The following PAPSS1 variants were observed in gnomAD, a reference collection of about 807,000 sequenced individuals.
PAPSS1 encodes 3'-phosphoadenosine 5'-phosphosulfate synthase 1, also known as bifunctional 3'-phosphoadenosine 5'-phosphosulfate synthase 1.
In PAPSS1, 50 loss-of-function variants were observed where a neutral mutation model predicts 72.0. The ratio of observed to expected loss-of-function variants is 0.69; its 90% CI spans 0.55 to 0.88. PAPSS1 has a LOEUF of 0.88. PAPSS1 is among the 40% of genes least tolerant of loss of function. PAPSS1 has a pLI of 0.00. For missense variants in PAPSS1, 657 were observed against 782.2 expected, an observed-to-expected ratio of 0.84 and a Z score of 1.91; for synonymous variants, 261 against 263.6, an observed-to-expected ratio of 0.99 and a Z score of 0.09.
intron 2 of PAPSS1, among the ~76,000 whole-genome samples, chr4:107,699,235 A>C (rs1723147936): frequency 6.6e-6 from 1 of 152,144 alleles, no homozygotes; most frequent in Non-Finnish European, 1.5e-5. Flanking sequence ...AATTGGTTAA[A>C]TCTATTACAA....
intron 11 of PAPSS1, among the ~76,000 whole-genome samples, chr4:107,628,322 A>G (rs1726149638): frequency 6.6e-6 from 1 of 152,226 alleles, no homozygotes; most frequent in African/African-American, 2.4e-5. Context: ...CATTTATTTC[A>G]AATAAATCAA....
At chr4:107,624,981 G>A (rs766803090) in intron 11 of PAPSS1, among the ~76,000 whole-genome samples, 8 of 152,136 alleles carry the variant, frequency 5.3e-5, no homozygotes, top group African/African-American at 1.2e-4. Context: ...GATAAGACTC[G>A]GCTATGAAGA....
At chr4:107,653,151 C>G (rs1726900518) in intron 9 of PAPSS1, among the ~76,000 whole-genome samples, 1 of 150,504 alleles carries the variant, frequency 6.6e-6, no homozygotes, top group Admixed American at 6.6e-5. Flanking sequence ...ATATCTCTCT[C>G]ATGTAAAACA....
chr4:107,639,042 T>C (rs1260139813), intron 10 of PAPSS1, among the ~76,000 whole-genome samples: 1 of 152,288 alleles, frequency 6.6e-6, no homozygotes, highest in East Asian at 1.9e-4. Context: ...GAGGAAACTG[T>C]ATAGATTACC....
At chr4:107,621,638 T>TTTTTTTG (rs1725961667) in intron 11 of PAPSS1, among the ~76,000 whole-genome samples, 1 of 133,866 alleles carries the variant, frequency 7.5e-6, no homozygotes, top group Non-Finnish European at 1.5e-5. Context: ...TTTTTTTTTT[T>TTTTTTTG]GAGAAGGAGT....
At chr4:107,667,292 TCTC>T (rs1466414488) in intron 5 of PAPSS1, among the ~76,000 whole-genome samples, 1 of 152,074 alleles carries the variant, frequency 6.6e-6, no homozygotes, top group Admixed American at 6.6e-5. Context: ...TCCCTGCACA[TCTC>T]TTCCATCTGG....
rs192371513 is a variant in PAPSS1, at chr4:107,618,151, A to T, written c.1737-3764T>A. Among the ~76,000 whole-genome samples the T allele has an allele frequency of 4.6e-5, 7 of 152,316 alleles. No homozygotes were observed. The East Asian group carries it at 1.4e-3, about 29-fold the overall frequency. On this transcript the variant is annotated intron_variant, in intron 11 of 11. Coordinates refer to ENST00000265174, the MANE Select transcript of PAPSS1 (RefSeq NM_005443.5). ...CCAAAAGGCAAAACATTTGTCAAAA[A>T]GGTAGAAAGAGAACCAAGATGATTA...
At position 107,613,960 on chromosome 4, in the gene PAPSS1, G is replaced by T; in HGVS notation, c.*289C>A. 1 of 206,828 alleles carries T rather than the reference G, an allele frequency of 4.8e-6. No homozygotes were observed. The highest frequency in any genetic ancestry group is 9.5e-6 in the Non-Finnish European group (1 of 105,044). The allele number at this position is 206,828 out of a possible 1,614,324, so 12.8% of individuals were successfully genotyped here. A position where few individuals can be genotyped will look rare whatever the true frequency, so the allele number is the denominator to read the frequency against. Reference sequence around the variant, plus strand: ...CTGGTTACAACTAATATAACAGCTTGAAAAAATCATGACACAGAAGCATAA... The same window carrying T: ...CTGGTTACAACTAATATAACAGCTTTAAAAAATCATGACACAGAAGCATAA... On this transcript the variant is annotated 3_prime_UTR_variant, in exon 12 of 12. Transcript: ENST00000265174.
chr4:107,715,815 CA>C (rs1723624561), intron 1 of PAPSS1, among the ~76,000 whole-genome samples: 2 of 152,170 alleles, frequency 1.3e-5, no homozygotes, highest in Non-Finnish European at 2.9e-5. Context: ...TGCCAGGAAC[CA>C]TAGTTTTATA....
intron 10 of PAPSS1, among the ~76,000 whole-genome samples, chr4:107,635,242 G>A (rs1190091216): frequency 1.3e-5 from 2 of 151,886 alleles, no homozygotes; most frequent in Non-Finnish European, 2.9e-5. Flanking sequence ...GAAACCTACT[G>A]TTTGAAAAAG....
chr4:107,670,671 TGG>T (rs1727444703), intron 5 of PAPSS1, among the ~76,000 whole-genome samples: 1 of 152,152 alleles, frequency 6.6e-6, no homozygotes, highest in Admixed American at 6.5e-5. Flanking sequence ...CCTGAGTATC[TGG>T]GATGTGCCAC....
intron 11 of PAPSS1, among the ~76,000 whole-genome samples, chr4:107,626,041 G>A (rs953974213): frequency 2.0e-4 from 30 of 151,902 alleles, no homozygotes; most frequent in African/African-American, 6.3e-4. Context: ...AGCCGGGCGC[G>A]GTGGCAGGCG....
At chr4:107,686,960 C>A (rs987171539) in intron 4 of PAPSS1, 79 bp downstream of exon 4, 49 of 1,310,360 alleles carry the variant, frequency 3.7e-5, no homozygotes, top group South Asian at 1.3e-5. Context: ...CACTTCCAAT[C>A]TCTTAGAAAA....
chr4:107,703,698 C>T (rs926771770), intron 1 of PAPSS1, among the ~76,000 whole-genome samples: 45 of 152,144 alleles, frequency 3.0e-4, no homozygotes, highest in African/African-American at 1.0e-3. Context: ...GCTTTCTGCT[C>T]TGTTGTATGG....
intron 11 of PAPSS1, among the ~76,000 whole-genome samples, chr4:107,616,928 T>G (rs1165930980): frequency 6.6e-6 from 1 of 152,206 alleles, no homozygotes; most frequent in Non-Finnish European, 1.5e-5. Context: ...CCCTTCATAA[T>G]GATCTCATCA....
intron 11 of PAPSS1, among the ~76,000 whole-genome samples, chr4:107,625,404 G>A (rs1235053089): frequency 1.3e-5 from 2 of 152,142 alleles, no homozygotes; most frequent in Non-Finnish European, 1.5e-5. Context: ...GGCATGACAG[G>A]GATGCAACAT....
intron 2 of PAPSS1, among the ~76,000 whole-genome samples, chr4:107,698,165 T>C (rs1560589184): frequency 6.6e-6 from 1 of 152,088 alleles, no homozygotes; most frequent in Non-Finnish European, 1.5e-5. Context: ...AAAATTTCCC[T>C]AAAATAAAAT....
intron 6 of PAPSS1, 108 bp from the exon 7 acceptor site, chr4:107,657,115 T>C: frequency 2.7e-6 from 2 of 733,652 alleles, no homozygotes; most frequent in Non-Finnish European, 5.0e-6. Flanking sequence ...ACAAACAGTG[T>C]AAGGATGAGT....
At chr4:107,645,551 T>C (rs188508532) in intron 9 of PAPSS1, among the ~76,000 whole-genome samples, 1 of 152,362 alleles carries the variant, frequency 6.6e-6, no homozygotes. Context: ...TGTCCAAATA[T>C]GCTCACTTAC....
Sources: allele counts gnomAD v4.1 joint callset (sites outside exome capture counted in the v4.1 genomes callset), GRCh38; gene constraint gnomAD v4.1.1; transcripts MANE v1.5; gene names NCBI Gene and HGNC (gene_info 2026-07-23, HGNC 2026-07-21).